Variants in CCDC197 observed in about 807,000 individuals in gnomAD.
The protein encoded by CCDC197 is uncharacterized protein CCDC197.
CCDC197 carries 24 observed loss-of-function variants against 13.4 expected under a neutral mutation model. The observed-to-expected ratio is 1.80, with a 90% confidence interval of 1.30 to 2.53. CCDC197 has a LOEUF of 2.53. CCDC197 is among the 30% of genes most tolerant of loss of function. The pLI, the probability that CCDC197 is intolerant of heterozygous loss-of-function variation, is 0.00. For missense variants in CCDC197, 255 were observed against 148.8 expected, an observed-to-expected ratio of 1.71 and a Z score of -3.71; for synonymous variants, 99 against 55.5, an observed-to-expected ratio of 1.78 and a Z score of -3.48.
At chr14:93,997,013 G>A (rs1890335568), upstream of CCDC197, among the ~76,000 whole-genome samples, 1 of 152,226 alleles carries the variant, frequency 6.6e-6, no homozygotes, top group Non-Finnish European at 1.5e-5. Flanking sequence ...TGGGGTCAAG[G>A]GAGAGTCCCG....
chr14:94,010,335 CTG>C (rs1384764453), downstream of CCDC197, among the ~76,000 whole-genome samples: 1 of 152,208 alleles, frequency 6.6e-6, no homozygotes, highest in African/African-American at 2.4e-5. Context: ...TCCCAAGTAA[CTG>C]GGACTACAGG....
At chr14:93,989,918 C>T (rs1890177169) in intron 1 of CCDC197, among the ~76,000 whole-genome samples, 1 of 152,198 alleles carries the variant, frequency 6.6e-6, no homozygotes, top group Non-Finnish European at 1.5e-5. Flanking sequence ...CCTGAGATCC[C>T]TGTTTCCTTT....
chr14:93,996,357 G>C (rs1890304686), upstream of CCDC197, among the ~76,000 whole-genome samples: 1 of 152,184 alleles, frequency 6.6e-6, no homozygotes, highest in Admixed American at 6.5e-5. Flanking sequence ...TGATCTCACT[G>C]CCTGCTGGTA....
At position 93,999,729 on chromosome 14, in the gene CCDC197, C is replaced by T. The variant is rs946548061; in HGVS notation, c.187+64C>T. 165 of 772,524 alleles carry T rather than the reference C, an allele frequency of 2.1e-4. 1 individual carries two copies. Among genetic ancestry groups the T allele is most frequent in the South Asian group, 8.0e-4 (59 of 73,728 alleles). 47.9% of individuals were successfully genotyped at this position (772,524 alleles called of 1,614,324 possible). A position where few individuals can be genotyped will look rare whatever the true frequency, so the allele number is the denominator to read the frequency against. ...CAGCCACCTACTGGCTGCAGGACTG[C>T]GACACCGTGTGTGGCCTCATGGAGC... On this transcript the variant is annotated intron_variant, in intron 3 of 6. Transcript: ENST00000636493.
chr14:93,995,554 A>G (rs1432380863), upstream of CCDC197, among the ~76,000 whole-genome samples: 1 of 152,108 alleles, frequency 6.6e-6, no homozygotes, highest in East Asian at 1.9e-4. Context: ...CAGGGTTTGC[A>G]CTGGGAAACT....
chr14:94,000,273 G>A (rs1050022157), intron 3 of CCDC197, among the ~76,000 whole-genome samples: 31 of 152,222 alleles, frequency 2.0e-4, no homozygotes, highest in African/African-American at 7.0e-4. Context: ...CCCCTCCTAT[G>A]AGCTTTGCAC....
chr14:93,998,337 G>C lies in CCDC197; in HGVS notation c.104+102G>C, dbSNP rs530959899. 4.3e-6 allele frequency: 3 copies of C among 694,856 alleles called. No individual in the cohort carries two copies. The East Asian group carries it at 8.0e-5, about 19-fold the overall frequency. 43.0% of individuals were successfully genotyped at this position (694,856 alleles called of 1,614,324 possible). A position where few individuals can be genotyped will look rare whatever the true frequency, so the allele number is the denominator to read the frequency against. ...CATGTCCCCGAGGAGGCCAGGACAGGGGGTGGATGAGGAGGGCAGTGTGGC... is the reference window on the plus strand; with the variant it reads ...CATGTCCCCGAGGAGGCCAGGACAGCGGGTGGATGAGGAGGGCAGTGTGGC... On this transcript the variant is annotated intron_variant, in intron 2 of 6. Coordinates refer to ENST00000636493, the MANE Select transcript of CCDC197 (RefSeq NM_001351596.2).
intron 2 of CCDC197, 186 bp from the exon 3 acceptor site, chr14:93,999,397 C>T: frequency 3.5e-6 from 2 of 576,598 alleles, no homozygotes; most frequent in South Asian, 4.2e-5. Context: ...GCTTGTGGCT[C>T]AGTTTGCTCA....
chr14:93,988,056 G>A (rs540514526), intron 1 of CCDC197, among the ~76,000 whole-genome samples: 4 of 118,742 alleles, frequency 3.4e-5, no homozygotes, highest in Admixed American at 8.2e-5. Flanking sequence ...GGGTGGGGCC[G>A]GAGAGGAGAG....
At chr14:94,006,501 C>T (rs1336310010) in intron 6 of CCDC197, among the ~76,000 whole-genome samples, 1 of 151,902 alleles carries the variant, frequency 6.6e-6, no homozygotes, top group Non-Finnish European at 1.5e-5. Context: ...GACTACAAGG[C>T]ATGCACCACC....
In CCDC197 at chr14:94,000,193, C is replaced by T. The variant is rs79409256; in HGVS notation, c.187+528C>T. ...TATTGTTATCATTATTATTTCAACA[C>T]CATCAATAATAATTATTACCATTTA... On this transcript the variant is annotated intron_variant, in intron 3 of 6. Coordinates refer to ENST00000636493, the MANE Select transcript of CCDC197 (RefSeq NM_001351596.2). 4.3e-3 allele frequency among the ~76,000 whole-genome samples: 647 copies of T among 152,226 alleles called. 6 individuals are homozygous for T. The highest frequency in any genetic ancestry group is 0.015 in the African/African-American group (633 of 41,528).
downstream of CCDC197, among the ~76,000 whole-genome samples, chr14:94,010,141 A>C (rs189371408): frequency 5.3e-5 from 8 of 152,300 alleles, no homozygotes; most frequent in Admixed American, 5.2e-4. Flanking sequence ...CGGAAGAAGG[A>C]AGGCTGATTG....
At chr14:94,000,800 A>T in intron 3 of CCDC197, 1 of 193,120 alleles carries the variant, frequency 5.2e-6, no homozygotes, top group Non-Finnish European at 1.0e-5. Flanking sequence ...TTGCTCGCTC[A>T]GGACAGGAAC....
chr14:94,011,297 TG>T (rs1890803686), downstream of CCDC197, among the ~76,000 whole-genome samples: 1 of 152,240 alleles, frequency 6.6e-6, no homozygotes, highest in Admixed American at 6.5e-5. Flanking sequence ...CCCTATCACC[TG>T]CCTGCTGTGC....
rs117261570 is a variant in CCDC197, at chr14:93,989,089, A to G, written c.-107+1693A>G. 1.3e-3 allele frequency among the ~76,000 whole-genome samples: 205 copies of G among 152,084 alleles called. 8 individuals carry two copies. The South Asian group carries it at 0.018, about 14-fold the overall frequency. On this transcript the variant is annotated intron_variant, in intron 1 of 7. Coordinates refer to the CCDC197 transcript ENST00000640978. ...GGGTCCATGCGAGAGATGGTGAGAGAGGGCAGGGGAGTCTCAATGAACACA... is the reference window on the plus strand; with the variant it reads ...GGGTCCATGCGAGAGATGGTGAGAGGGGGCAGGGGAGTCTCAATGAACACA...
rs929329458 is a variant in CCDC197, at chr14:94,003,123, C to A, written c.367-100C>A. On this transcript the variant is annotated intron_variant, in intron 4 of 6. Transcript: ENST00000636493. This position sits in a 1 kb window ranked among gnomAD's most constrained non-coding sequence, Gnocchi z 5.0. ...CCCAGCCACCCACAAGTATTCCTTC[C>A]TCCTATCCTGTCATTGCACAGACCA... The A allele has an allele frequency of 2.0e-4, 137 of 673,026 alleles. 1 individual carries two copies. The highest frequency in any genetic ancestry group is 1.8e-4 in the Non-Finnish European group (65 of 367,384). The allele number at this position is 673,026 out of a possible 1,614,324, so 41.7% of individuals were successfully genotyped here. A position where few individuals can be genotyped will look rare whatever the true frequency, so the allele number is the denominator to read the frequency against.
intron 6 of CCDC197, among the ~76,000 whole-genome samples, chr14:94,006,237 A>C (rs1198825879): frequency 6.6e-6 from 1 of 152,050 alleles, no homozygotes; most frequent in Non-Finnish European, 1.5e-5. Flanking sequence ...TTTGATTTGC[A>C]CTTCTCTGAT....
chr14:94,009,335 C>A (rs888917557), downstream of CCDC197, among the ~76,000 whole-genome samples: 21 of 152,100 alleles, frequency 1.4e-4, 1 homozygote, highest in African/African-American at 5.1e-4. Flanking sequence ...TACCTTCTGC[C>A]CATCCTGCAG....
At position 94,008,817 on chromosome 14, in the gene CCDC197, C is replaced by A. The variant is rs772459894; in HGVS notation, c.*5C>A. On this transcript the variant is annotated 3_prime_UTR_variant, in exon 7 of 7. Coordinates refer to ENST00000636493, the MANE Select transcript of CCDC197 (RefSeq NM_001351596.2). ...GAGTGCTCCGGCCTGTACTGACCAG[C>A]CTGCGCCTTGCAGGCCCCATGGCAT... 2.6e-5 allele frequency: 18 copies of A among 694,462 alleles called. No individual in the cohort carries two copies. In the South Asian group the frequency reaches 2.7e-4, roughly 10 times the overall value. The allele number at this position is 694,462 out of a possible 1,614,324, so 43.0% of individuals were successfully genotyped here. A position where few individuals can be genotyped will look rare whatever the true frequency, so the allele number is the denominator to read the frequency against.
Sources: gnomAD v4.1 joint callset for allele counts (sites outside exome capture counted in the v4.1 genomes callset) on GRCh38, gnomAD v4.1.1 for gene constraint, Gnocchi (gnomAD v3.1) non-coding constraint, MANE v1.5 for transcripts, NCBI Gene and HGNC (gene_info 2026-07-23, HGNC 2026-07-21) for gene names.